Variants in PREX2 observed in about 807,000 individuals in gnomAD.
The protein encoded by PREX2 is phosphatidylinositol 3,4,5-trisphosphate-dependent Rac exchanger 2 protein.
A neutral mutation model predicts 203.2 loss-of-function variants in PREX2; 107 were observed. The ratio of observed to expected loss-of-function variants is 0.53; its 90% CI spans 0.45 to 0.62. The LOEUF (loss-of-function observed/expected upper bound fraction) is 0.62. Ranked by LOEUF, PREX2 falls within the 20% of genes least tolerant of loss-of-function variation. The probability of loss-of-function intolerance (pLI) is 0.00; values close to 1 mark genes in which losing one functional copy is unlikely to be tolerated. For missense variants in PREX2, 1,777 were observed against 1,955.9 expected, an observed-to-expected ratio of 0.91 and a Z score of 1.72; for synonymous variants, 672 against 663.6, an observed-to-expected ratio of 1.01 and a Z score of -0.19.
chr8:68,013,119 A>T (rs1807314437), intron 1 of PREX2, among the ~76,000 whole-genome samples: 1 of 152,218 alleles, frequency 6.6e-6, no homozygotes, highest in South Asian at 2.1e-4. Flanking sequence ...AGTGCCAGAT[A>T]TTGCTGTAGG....
intron 26 of PREX2, among the ~76,000 whole-genome samples, chr8:68,118,146 G>A (rs897086749): frequency 1.3e-5 from 2 of 152,102 alleles, no homozygotes; most frequent in Non-Finnish European, 2.9e-5. Context: ...ACAAGGTCAG[G>A]AGATGGAGAC....
At chr8:68,148,875 C>G (rs1212231216) in intron 34 of PREX2, among the ~76,000 whole-genome samples, 1 of 152,134 alleles carries the variant, frequency 6.6e-6, no homozygotes, top group African/African-American at 2.4e-5. Flanking sequence ...ATAAAACTCC[C>G]ATGAGGAATC....
Position 68,053,005 on chromosome 8 carries a change from G to C in PREX2, c.944-92G>C. ...CAAAGAGATGTTGAACAATTCAGTG[G>C]TTTTGGAACTTTTGTGTATTGAATG... On this transcript the variant is annotated intron_variant, in intron 8 of 39. Coordinates refer to ENST00000288368, the MANE Select transcript of PREX2 (RefSeq NM_024870.4). 2.6e-6 allele frequency: 3 copies of C among 1,153,128 alleles called. No individual in the cohort carries two copies. In the East Asian group the frequency reaches 7.2e-5, roughly 28 times the overall value. 71.4% of individuals were successfully genotyped at this position (1,153,128 alleles called of 1,614,324 possible). A position where few individuals can be genotyped will look rare whatever the true frequency, so the allele number is the denominator to read the frequency against.
intron 8 of PREX2, among the ~76,000 whole-genome samples, chr8:68,051,732 G>T (rs1808532610): frequency 6.6e-6 from 1 of 152,062 alleles, no homozygotes. Flanking sequence ...GGTAATAAAA[G>T]TACAAAAAAT....
At chr8:68,044,725 G>A in intron 8 of PREX2, 135 bp downstream of exon 8, 2 of 656,574 alleles carry the variant, frequency 3.0e-6, no homozygotes, top group Non-Finnish European at 5.3e-6. Context: ...AAGTGGTTGG[G>A]TAGAGAAAAG....
chr8:68,001,915 G>A (rs908341087), intron 1 of PREX2, among the ~76,000 whole-genome samples: 2 of 152,050 alleles, frequency 1.3e-5, no homozygotes, highest in African/African-American at 4.8e-5. Context: ...CACGAAGAGG[G>A]GAAGAACAGA....
chr8:68,095,745 G>A (rs557871195), intron 21 of PREX2, among the ~76,000 whole-genome samples: 118 of 151,054 alleles, frequency 7.8e-4, no homozygotes, highest in African/African-American at 2.8e-3. Context: ...GAAGTGATCC[G>A]CCGTCAGTTC....
At chr8:68,007,904 C>T (rs757607860) in intron 1 of PREX2, among the ~76,000 whole-genome samples, 23 of 152,188 alleles carry the variant, frequency 1.5e-4, no homozygotes, top group African/African-American at 4.1e-4. Context: ...CCACCGCGCC[C>T]GGCCCTCAGT....
In PREX2 at chr8:68,042,620, T is replaced by A. The variant is rs536586471; in HGVS notation, c.840-1867T>A. 4.6e-5 allele frequency among the ~76,000 whole-genome samples: 7 copies of A among 152,262 alleles called. No individual in the cohort carries two copies. In the East Asian group the frequency reaches 1.2e-3, roughly 25 times the overall value. On this transcript the variant is annotated intron_variant, in intron 7 of 39. Coordinates refer to ENST00000288368, the MANE Select transcript of PREX2 (RefSeq NM_024870.4). ...TATTGTATACATTCTTGTATATGTG[T>A]CCTGGTGACCATTGCAACACATAAT...
intron 1 of PREX2, among the ~76,000 whole-genome samples, chr8:68,010,031 C>A (rs1807215934): frequency 6.6e-6 from 1 of 152,172 alleles, no homozygotes; most frequent in Non-Finnish European, 1.5e-5. Context: ...TTTATTAATA[C>A]CTCGTGCTCT....
At chr8:68,042,116 C>A (rs190505780) in intron 7 of PREX2, among the ~76,000 whole-genome samples, 6 of 152,126 alleles carry the variant, frequency 3.9e-5, no homozygotes, top group African/African-American at 1.2e-4. Flanking sequence ...AACTTCACCT[C>A]AGCATATGCT....
intron 1 of PREX2, among the ~76,000 whole-genome samples, chr8:67,961,840 T>C: frequency 6.6e-6 from 1 of 152,204 alleles, no homozygotes. Flanking sequence ...AAAAGGGATC[T>C]ATTTTGCTCG....
intron 1 of PREX2, among the ~76,000 whole-genome samples, chr8:67,962,180 A>G (rs1305064103): frequency 6.6e-6 from 1 of 152,176 alleles, no homozygotes; most frequent in Non-Finnish European, 1.5e-5. Flanking sequence ...TGCCAGTAGG[A>G]GAGGCTTTAT....
At chr8:67,988,354 A>G (rs970729392) in intron 1 of PREX2, among the ~76,000 whole-genome samples, 6 of 152,168 alleles carry the variant, frequency 3.9e-5, no homozygotes, top group African/African-American at 1.4e-4. Context: ...CAAAGTCCCT[A>G]TTGCTCCCTG....
At chr8:68,100,029 A>G in intron 23 of PREX2, 186 bp downstream of exon 23, 1 of 724,092 alleles carries the variant, frequency 1.4e-6, no homozygotes, top group Non-Finnish European at 2.5e-6. Context: ...TGATCTTTGC[A>G]AACTTGTAAG....
intron 37 of PREX2, among the ~76,000 whole-genome samples, chr8:68,207,211 T>C (rs1408120238): frequency 6.6e-6 from 1 of 152,186 alleles, no homozygotes; most frequent in African/African-American, 2.4e-5. Context: ...GGAGCAATTG[T>C]TAAAATCCAG....
chr8:68,169,749 G>A (rs559416683), intron 35 of PREX2, among the ~76,000 whole-genome samples: 3 of 152,140 alleles, frequency 2.0e-5, no homozygotes, highest in Admixed American at 6.5e-5. Flanking sequence ...AACAGTAGAC[G>A]GTGAGAACAA....
chr8:68,004,906 A>C (rs540822975), intron 1 of PREX2, among the ~76,000 whole-genome samples: 106 of 152,344 alleles, frequency 7.0e-4, no homozygotes, highest in African/African-American at 2.4e-3. Flanking sequence ...TTCAGCCCAC[A>C]GAAGGGGAGA....
chr8:68,027,122 G>A, intron 4 of PREX2, 100 bp from the exon 5 acceptor site: 1 of 801,406 alleles, frequency 1.2e-6, no homozygotes, highest in South Asian at 1.4e-5. Flanking sequence ...AGTATATGAA[G>A]ACATATGCTT....
Sources: gnomAD v4.1 joint callset for allele counts (sites outside exome capture counted in the v4.1 genomes callset) on GRCh38, gnomAD v4.1.1 for gene constraint, MANE v1.5 for transcripts, NCBI Gene and HGNC (gene_info 2026-07-23, HGNC 2026-07-21) for gene names.